ODF1: variants seen among roughly 807,000 people sequenced by gnomAD.
The protein encoded by ODF1 is outer dense fiber of sperm tails 1.
In ODF1, 10 loss-of-function variants were observed where a neutral mutation model predicts 24.0. The observed-to-expected ratio is 0.42, with a 90% CI of 0.26 to 0.71. The LOEUF (loss-of-function observed/expected upper bound fraction) is 0.71, where lower values mean the gene tolerates loss of function less well. Among genes scored for constraint, ODF1 ranks in the 30% least tolerant of loss-of-function variants. The pLI is 0.28. For synonymous variants in ODF1, 118 were observed against 121.3 expected, an observed-to-expected ratio of 0.97 and a Z score of 0.18; for missense variants, 282 against 307.9, an observed-to-expected ratio of 0.92 and a Z score of 0.63.
Position 102,560,758 on chromosome 8 carries a change from C to T in ODF1, c.627C>T (p.Cys209=), listed in dbSNP as rs1826170939. The change falls in exon 2 of 2, where the codon TGC becomes TGT. Residue 209 remains cysteine (C), a synonymous_variant. Coordinates refer to ENST00000285402, the MANE Select transcript of ODF1 (RefSeq NM_024410.4). ...CTTGCTACCCTTGCACTTCTCCTTG[C>T]AGCCCCTGCAGCCCCTGCAGCCCCT... The part of the protein sequence containing the change: ...ESPCYPCTSP[C]SPCSPCSPCN... 1 of 1,575,522 alleles carries T rather than the reference C, an allele frequency of 6.3e-7. No homozygotes were observed. Among genetic ancestry groups the T allele is most frequent in the East Asian group, 2.3e-5 (1 of 43,848 alleles).
intron 1 of ODF1, among the ~76,000 whole-genome samples, chr8:102,553,745 G>A (rs1347981450): frequency 1.3e-5 from 2 of 152,164 alleles, no homozygotes; most frequent in Non-Finnish European, 2.9e-5. Context: ...CTACTCTCTT[G>A]ATGCCTCTTT....
chr8:102,552,101 G>A, intron 1 of ODF1, 54 bp downstream of exon 1: 7 of 1,277,052 alleles, frequency 5.5e-6, no homozygotes, highest in South Asian at 3.1e-5. Context: ...CTTATAAGTT[G>A]GAATAAGGAA....
At chr8:102,553,374 C>CAAAA (rs55997419) in intron 1 of ODF1, among the ~76,000 whole-genome samples, 9 of 108,462 alleles carry the variant, frequency 8.3e-5, no homozygotes, top group Non-Finnish European at 1.5e-4. Context: ...GAGACTGTCT[C>CAAAA]AAAAAAAAAA....
chr8:102,559,694 C>T (rs1206752033), intron 1 of ODF1, among the ~76,000 whole-genome samples: 2 of 151,466 alleles, frequency 1.3e-5, no homozygotes, highest in Non-Finnish European at 2.9e-5. Flanking sequence ...AGGAGCCAGG[C>T]GCTGGGCAAA....
At position 102,561,012 on chromosome 8, in the gene ODF1, AATC is replaced by A; in HGVS notation, c.*129_*131del. On this transcript the variant is annotated 3_prime_UTR_variant, in exon 2 of 2. Coordinates refer to ENST00000285402, the MANE Select transcript of ODF1 (RefSeq NM_024410.4). ...CGTAGGAAACTGAATACATAACTGC[AATC>A]TGCTGGTGTTGTGTGAAAGTCTTTT... The A allele has an allele frequency of 2.3e-6, 2 of 865,336 alleles. No homozygotes were observed. The highest frequency in any genetic ancestry group is 3.6e-6 in the Non-Finnish European group (2 of 555,386). 53.6% of individuals were successfully genotyped at this position (865,336 alleles called of 1,614,324 possible).
intron 1 of ODF1, among the ~76,000 whole-genome samples, chr8:102,556,951 G>A (rs2248172): frequency 3.4e-3 from 510 of 152,210 alleles, no homozygotes; most frequent in African/African-American, 0.011. Context: ...ATTCATGACC[G>A]GGTTAAATCT....
Position 102,551,731 on chromosome 8 carries a change from G to A in ODF1, c.4G>A (p.Ala2Thr), listed in dbSNP as rs752251572. The change falls in exon 1 of 2, where the codon GCT becomes ACT. Residue 2 changes from alanine (A) to threonine (T), a missense_variant. By Grantham distance (58) the Ala-to-Thr change is moderately conservative. Transcript: ENST00000285402. ...AGAACAATCAGGTGTGACCATAATG[G>A]CTGCACTGAGTTGTCTCTTGGACAG... is the stretch of plus-strand genomic sequence containing the variant. M[A>T]ALSCLLDSVR... is the part of the protein sequence containing the mutation. The A allele has an allele frequency of 1.3e-6, 2 of 1,587,890 alleles. No individual in the cohort carries two copies. Among genetic ancestry groups the A allele is most frequent in the East Asian group, 4.5e-5 (2 of 44,442 alleles).
rs1371300426 is a variant in ODF1 at position 102,560,734 on chromosome 8, T to C, written c.603T>C (p.Pro201=). The C allele has an allele frequency of 1.2e-6, 2 of 1,613,894 alleles. No homozygotes were observed. The highest frequency in any genetic ancestry group is 1.1e-5 in the South Asian group (1 of 91,060). ...GLGSCVKIES[P]CYPCTSPCSP... ...GCAGCTGTGTCAAGATCGAGTCTCC[T>C]TGCTACCCTTGCACTTCTCCTTGCA... is the stretch of plus-strand genomic sequence containing the variant. Residue 201 remains proline (P), a synonymous_variant, in exon 2 of 2, where the codon CCT becomes CCC. Transcript: ENST00000285402.
At chr8:102,555,341 G>C (rs374020181) in intron 1 of ODF1, among the ~76,000 whole-genome samples, 24 of 152,220 alleles carry the variant, frequency 1.6e-4, no homozygotes, top group Middle Eastern at 3.4e-3. Flanking sequence ...TAATTCATGG[G>C]TGCCCCATGT....
chr8:102,560,084 G>A (rs1351524572), intron 1 of ODF1, among the ~76,000 whole-genome samples: 1 of 151,302 alleles, frequency 6.6e-6, no homozygotes, highest in African/African-American at 2.5e-5. Flanking sequence ...ATATGATGCA[G>A]GCATTATTAT....
intron 1 of ODF1, among the ~76,000 whole-genome samples, chr8:102,556,697 T>G (rs1050720507): frequency 1.3e-5 from 2 of 152,028 alleles, no homozygotes; most frequent in Non-Finnish European, 2.9e-5. Context: ...TGAGTGACAT[T>G]GTCCTCAGTA....
At chr8:102,558,091 G>C (rs963700451) in intron 1 of ODF1, among the ~76,000 whole-genome samples, 2 of 152,112 alleles carry the variant, frequency 1.3e-5, no homozygotes, top group Non-Finnish European at 2.9e-5. Context: ...GGGTACCCTG[G>C]CACACCCAGG....
intron 1 of ODF1, among the ~76,000 whole-genome samples, chr8:102,553,836 T>G (rs1183558910): frequency 6.6e-6 from 1 of 152,228 alleles, no homozygotes; most frequent in Non-Finnish European, 1.5e-5. Context: ...AGAGGTAATG[T>G]TTTCTCTGGT....
At chr8:102,557,662 G>T (rs780648093) in intron 1 of ODF1, among the ~76,000 whole-genome samples, 2 of 152,262 alleles carry the variant, frequency 1.3e-5, no homozygotes, top group African/African-American at 4.8e-5. Context: ...GCCAAAACCA[G>T]CTGTGGCCAT....
chr8:102,553,393 A>C lies in ODF1; in HGVS notation c.320+1346A>C, dbSNP rs968003401. Among the ~76,000 whole-genome samples, 276 of 136,702 alleles carry C rather than the reference A, an allele frequency of 2.0e-3. 3 individuals are homozygous for C. Among genetic ancestry groups the C allele is most frequent in the African/African-American group, 7.2e-3 (260 of 36,060 alleles). The allele number at this position is 136,702 out of a possible 152,430, so 89.7% of individuals were successfully genotyped here. Reference sequence around the variant, plus strand: ...CTGTCTCAAAAAAAAAAAAAAAAAAAGGATAATTATTGTCTAGGTCACCAG... The same window carrying C: ...CTGTCTCAAAAAAAAAAAAAAAAAACGGATAATTATTGTCTAGGTCACCAG... On this transcript the variant is annotated intron_variant, in intron 1 of 1. Coordinates refer to ENST00000285402, the MANE Select transcript of ODF1 (RefSeq NM_024410.4).
chr8:102,560,846 TG>T lies in ODF1; in HGVS notation c.716del (p.Cys239LeufsTer10). ...TGATCCTTGCAACCCGTGTTATCCC[TG>T]TGGAAGCCGATTTTCCTGTAGGAAG... The part of the protein sequence containing the change: ...PYDPCNPCYP[C>X]GSRFSCRKMI... On this transcript the variant is annotated frameshift_variant, in exon 2 of 2. Coordinates refer to ENST00000285402, the MANE Select transcript of ODF1 (RefSeq NM_024410.4). LOFTEE classifies it high-confidence loss of function. The T allele has an allele frequency of 6.2e-7, 1 of 1,612,958 alleles. No individual in the cohort carries two copies. Among genetic ancestry groups the T allele is most frequent in the Non-Finnish European group, 8.5e-7 (1 of 1,179,298 alleles).
chr8:102,560,957 C>G lies in ODF1; in HGVS notation c.*73C>G. Reference sequence around the variant, plus strand: ...AGGCAGCTCTCCCAATGTTTCTCCTCTCCTTCCCATGGCCCCTGTTGTTGA... The same window carrying G: ...AGGCAGCTCTCCCAATGTTTCTCCTGTCCTTCCCATGGCCCCTGTTGTTGA... On this transcript the variant is annotated 3_prime_UTR_variant, in exon 2 of 2. Transcript: ENST00000285402. 7.4e-7 allele frequency: 1 copy of G among 1,352,058 alleles called. No individual in the cohort carries two copies. The highest frequency in any genetic ancestry group is 2.3e-5 in the East Asian group (1 of 43,474). 83.8% of individuals were successfully genotyped at this position (1,352,058 alleles called of 1,614,324 possible).
intron 1 of ODF1, among the ~76,000 whole-genome samples, chr8:102,558,269 G>A (rs1826136548): frequency 6.6e-6 from 1 of 152,110 alleles, no homozygotes; most frequent in South Asian, 2.1e-4. Context: ...GGCTAACACG[G>A]TGAAACACCT....
chr8:102,552,912 A>G (rs1826059954), intron 1 of ODF1, among the ~76,000 whole-genome samples: 1 of 152,190 alleles, frequency 6.6e-6, no homozygotes, highest in Non-Finnish European at 1.5e-5. Context: ...GGATTGATGA[A>G]GCATCTTACA....
Sources: allele counts gnomAD v4.1 joint callset (sites outside exome capture counted in the v4.1 genomes callset), GRCh38; gene constraint gnomAD v4.1.1; transcripts MANE v1.5; gene names NCBI Gene and HGNC (gene_info 2026-07-23, HGNC 2026-07-21).